The following MAPRE2 variants were observed in gnomAD, a reference collection of about 807,000 sequenced individuals.
MAPRE2 encodes the protein microtubule associated protein RP/EB family member 2, also known as microtubule-associated protein RP/EB family member 2.
Under a neutral mutation model 43.2 loss-of-function variants are expected in MAPRE2, and 13 were observed. That is an observed-to-expected ratio of 0.30 (90% CI 0.20 to 0.48). The LOEUF (loss-of-function observed/expected upper bound fraction) is 0.48. Among genes scored for constraint, MAPRE2 ranks in the 20% least tolerant of loss-of-function variants. MAPRE2 has a pLI of 0.99. For missense variants in MAPRE2, 161 were observed against 400.2 expected (o/e 0.40, Z 5.10); for synonymous variants, 135 against 148.8 (o/e 0.91, Z 0.68).
At chr18:35,105,423 G>T (rs1188399081) in intron 4 of MAPRE2, among the ~76,000 whole-genome samples, 1 of 151,988 alleles carries the variant, frequency 6.6e-6, no homozygotes, top group Admixed American at 6.6e-5. Context: ...AAACTATACT[G>T]GGGGTATATC....
At chr18:35,018,378 T>G (rs76984223) in intron 2 of MAPRE2, among the ~76,000 whole-genome samples, 1 of 152,048 alleles carries the variant, frequency 6.6e-6, no homozygotes, top group African/African-American at 2.4e-5. Flanking sequence ...TCAGCAGAAT[T>G]GATACCAGTT....
chr18:35,084,562 G>A (rs1036579649), intron 2 of MAPRE2, among the ~76,000 whole-genome samples: 1 of 152,060 alleles, frequency 6.6e-6, no homozygotes, highest in African/African-American at 2.4e-5. Flanking sequence ...TTCTTTTCCT[G>A]TACAAGAAAA....
intron 1 of MAPRE2, among the ~76,000 whole-genome samples, chr18:34,991,263 A>G (rs1433518684): frequency 6.6e-6 from 1 of 151,936 alleles, no homozygotes; most frequent in Non-Finnish European, 1.5e-5. Flanking sequence ...CTTTACGTCT[A>G]TGTGTACCCA....
intron 4 of MAPRE2, 146 bp downstream of exon 4, chr18:35,102,305 A>G (rs1389782534): frequency 3.4e-6 from 2 of 588,844 alleles, no homozygotes; most frequent in Non-Finnish European, 2.9e-6. Flanking sequence ...TGTCTGTTTC[A>G]CCACATTTAT....
In MAPRE2 at chr18:35,132,061, C is replaced by A; in HGVS notation, c.780C>A (p.Gly260=). The A allele has an allele frequency of 6.2e-7, 1 of 1,614,028 alleles. No homozygotes were observed. The highest frequency in any genetic ancestry group is 8.5e-7 in the Non-Finnish European group (1 of 1,180,008). ...QVHSLKLALE[G]VEKERDFYFG... is the part of the protein sequence containing the mutation. ...ATTCATTAAAACTTGCCCTTGAAGG[C>A]GTGGAAAAGGAAAGGGATTTCTACT... The change falls in exon 6 of 7, where the codon GGC becomes GGA. Residue 260 remains glycine, a synonymous_variant. Coordinates refer to ENST00000300249, the MANE Select transcript of MAPRE2 (RefSeq NM_014268.4).
chr18:35,046,806 G>C (rs1412800964), intron 1 of MAPRE2, among the ~76,000 whole-genome samples: 1 of 152,192 alleles, frequency 6.6e-6, no homozygotes, highest in Non-Finnish European at 1.5e-5. Context: ...CTTTCCTTGA[G>C]TAGAAGCAAT....
intron 2 of MAPRE2, among the ~76,000 whole-genome samples, chr18:35,013,467 T>C (rs2097036106): frequency 6.6e-6 from 1 of 152,212 alleles, no homozygotes; most frequent in African/African-American, 2.4e-5. Flanking sequence ...TAAGTAATTA[T>C]ATCAGGGTAC....
At chr18:35,110,370 T>C (rs1412731908) in intron 4 of MAPRE2, among the ~76,000 whole-genome samples, 1 of 152,184 alleles carries the variant, frequency 6.6e-6, no homozygotes. Flanking sequence ...ATGTTGTATA[T>C]GTTTTGCGTA....
chr18:35,125,035 T>C (rs1464898676), intron 4 of MAPRE2, among the ~76,000 whole-genome samples: 1 of 152,196 alleles, frequency 6.6e-6, no homozygotes, highest in East Asian at 1.9e-4. Flanking sequence ...ATTCAAACTA[T>C]TTTAAGTCTT....
rs903530473 is a variant in MAPRE2, at chr18:35,014,406, C to G, written c.-8+8853C>G. Among the ~76,000 whole-genome samples, 5 of 142,292 alleles carry G rather than the reference C, an allele frequency of 3.5e-5. No homozygotes were observed. The East Asian group carries it at 8.3e-4, about 23-fold the overall frequency. 93.3% of individuals were successfully genotyped at this position (142,292 alleles called of 152,430 possible). A position where few individuals can be genotyped will look rare whatever the true frequency, so the allele number is the denominator to read the frequency against. The stretch of plus-strand genomic sequence containing the variant: ...GGGTGATTTTTTTTTTTTTTTTGGT[C>G]CCAGCAGGTCTCGGCAGTCTATATA... On this transcript the variant is annotated intron_variant, in intron 2 of 7. Coordinates refer to the MAPRE2 transcript ENST00000413393.
intron 2 of MAPRE2, among the ~76,000 whole-genome samples, chr18:35,014,952 C>A (rs2097037227): frequency 6.6e-6 from 1 of 152,012 alleles, no homozygotes; most frequent in African/African-American, 2.4e-5. Flanking sequence ...TTTTTGCTAG[C>A]CAAAATGTCA....
At chr18:35,113,027 A>G (rs1909249039) in intron 4 of MAPRE2, among the ~76,000 whole-genome samples, 1 of 152,112 alleles carries the variant, frequency 6.6e-6, no homozygotes, top group Admixed American at 6.5e-5. Context: ...TTCATGAGGG[A>G]TCTGCCCTCA....
rs1474253460 is a variant in MAPRE2, at chr18:35,034,484, TG to T, written c.-8+28933del. Among the ~76,000 whole-genome samples the T allele has an allele frequency of 5.3e-5, 8 of 152,018 alleles. No individual in the cohort carries two copies. In the East Asian group the frequency reaches 1.4e-3, roughly 26 times the overall value. On this transcript the variant is annotated intron_variant, in intron 2 of 7. Transcript: ENST00000413393. ...TTCATGTCTAAAACACCAAAAGCAA[TG>T]GCAACAAAAGCCAAAATTGACAAAT...
intron 3 of MAPRE2, 100 bp from the exon 4 acceptor site, chr18:35,101,846 C>G: frequency 1.2e-6 from 1 of 861,118 alleles, no homozygotes; most frequent in Non-Finnish European, 1.8e-6. Context: ...CTGCCACAAA[C>G]TTACAAGTGC....
intron 1 of MAPRE2, among the ~76,000 whole-genome samples, chr18:34,984,160 A>G (rs1403519046): frequency 1.3e-5 from 2 of 152,226 alleles, no homozygotes; most frequent in Non-Finnish European, 2.9e-5. Flanking sequence ...CAAAGCTGGA[A>G]AGATTACCAT....
intron 1 of MAPRE2, among the ~76,000 whole-genome samples, chr18:35,044,014 G>C (rs1017885527): frequency 2.0e-5 from 3 of 152,226 alleles, no homozygotes; most frequent in Non-Finnish European, 4.4e-5. Context: ...TGAAAGCGAA[G>C]AGTAGAGATT....
upstream of MAPRE2, among the ~76,000 whole-genome samples, chr18:35,040,218 A>G (rs1435507398): frequency 1.3e-5 from 2 of 151,422 alleles, no homozygotes; most frequent in Non-Finnish European, 3.0e-5. Flanking sequence ...AATAATAATA[A>G]AAAAAAAATC....
At chr18:34,995,727 G>T (rs1351759573) in intron 1 of MAPRE2, among the ~76,000 whole-genome samples, 2 of 152,156 alleles carry the variant, frequency 1.3e-5, no homozygotes, top group African/African-American at 2.4e-5. Context: ...TGTGTCCATT[G>T]TTTGGTAGTA....
intron 1 of MAPRE2, among the ~76,000 whole-genome samples, chr18:34,997,690 C>G (rs1056586195): frequency 5.3e-5 from 8 of 152,162 alleles, no homozygotes; most frequent in Admixed American, 5.2e-4. Flanking sequence ...GTGGCAGGCA[C>G]CTGTAATCCC....
Sources: allele counts gnomAD v4.1 joint callset (sites outside exome capture counted in the v4.1 genomes callset), GRCh38; gene constraint gnomAD v4.1.1; transcripts MANE v1.5; gene names NCBI Gene and HGNC (gene_info 2026-07-23, HGNC 2026-07-21).